The following DGKB variants were observed in gnomAD, a reference collection of about 807,000 sequenced individuals.
DGKB encodes the protein diacylglycerol kinase beta, also known as 90 kDa diacylglycerol kinase.
A neutral mutation model predicts 114.3 loss-of-function variants in DGKB; 67 were observed. That is an observed-to-expected ratio of 0.59 (90% confidence interval 0.48 to 0.72). The LOEUF is 0.72. DGKB is among the 30% of genes least tolerant of loss of function. The pLI, the probability that DGKB is intolerant of heterozygous loss-of-function variation, is 0.00. For synonymous variants in DGKB, 398 were observed against 323.1 expected, an observed-to-expected ratio of 1.23 and a Z score of -2.49; for missense variants, 907 against 975.2, an observed-to-expected ratio of 0.93 and a Z score of 0.93.
At chr7:14,900,587 T>C (rs1055506374) in intron 1 of DGKB, among the ~76,000 whole-genome samples, 16 of 152,210 alleles carry the variant, frequency 1.1e-4, no homozygotes, top group Non-Finnish European at 1.8e-4. Context: ...TTCAATAGTG[T>C]GCAAGAAAAA....
intron 21 of DGKB, among the ~76,000 whole-genome samples, chr7:14,400,950 G>A (rs927224665): frequency 6.6e-6 from 1 of 151,692 alleles, no homozygotes; most frequent in Non-Finnish European, 1.5e-5. Flanking sequence ...ATCCTTGACT[G>A]CCTCCCCACT....
intron 5 of DGKB, among the ~76,000 whole-genome samples, chr7:14,727,791 C>A (rs982299689): frequency 7.9e-5 from 12 of 152,054 alleles, no homozygotes; most frequent in Admixed American, 7.2e-4. Flanking sequence ...TGTTAAGGTA[C>A]AGCACAGTAA....
intron 23 of DGKB, among the ~76,000 whole-genome samples, chr7:14,204,744 C>T: frequency 6.6e-6 from 1 of 151,914 alleles, no homozygotes; most frequent in East Asian, 1.9e-4. Context: ...AAATATTCTC[C>T]ACATTGAAAA....
chr7:14,172,509 G>A (rs748681572), intron 25 of DGKB, among the ~76,000 whole-genome samples: 3 of 152,096 alleles, frequency 2.0e-5, no homozygotes, highest in Non-Finnish European at 2.9e-5. Context: ...GGATTTGAGG[G>A]TATATAGAGA....
chr7:14,652,565 T>C (rs930525602), intron 13 of DGKB, among the ~76,000 whole-genome samples: 9 of 151,848 alleles, frequency 5.9e-5, no homozygotes, highest in African/African-American at 2.2e-4. Flanking sequence ...AAACCTAGGC[T>C]TTACCATTCG....
chr7:14,890,505 G>A (rs1376651555), intron 1 of DGKB, among the ~76,000 whole-genome samples: 4 of 151,320 alleles, frequency 2.6e-5, no homozygotes, highest in Non-Finnish European at 5.9e-5. Context: ...TGAAGTCCTA[G>A]CACAAGTGAC....
intron 23 of DGKB, among the ~76,000 whole-genome samples, chr7:14,325,531 C>A (rs1808565420): frequency 6.6e-6 from 1 of 152,102 alleles, no homozygotes; most frequent in Non-Finnish European, 1.5e-5. Flanking sequence ...CTCTAGTCAA[C>A]TTTCGTTGGG....
chr7:14,557,531 T>C (rs1796048280), intron 20 of DGKB, among the ~76,000 whole-genome samples: 1 of 152,114 alleles, frequency 6.6e-6, no homozygotes, highest in Admixed American at 6.6e-5. Flanking sequence ...ATTTGTCTTG[T>C]AGCTTTTTCC....
In DGKB at chr7:14,313,921, G is replaced by A. The variant is rs148495325; in HGVS notation, c.2122+24594C>T. Among the ~76,000 whole-genome samples, 221 of 152,316 alleles carry A rather than the reference G, an allele frequency of 1.5e-3. 1 individual carries two copies. Among genetic ancestry groups the A allele is most frequent in the African/African-American group, 5.1e-3 (210 of 41,580 alleles). Reference sequence around the variant, plus strand: ...AAGAGAGCAGTGGTTCTCCCAGTGCGCAGCCAGAGATCTGAGAACGGGCAG... The same window carrying A: ...AAGAGAGCAGTGGTTCTCCCAGTGCACAGCCAGAGATCTGAGAACGGGCAG... On this transcript the variant is annotated intron_variant, in intron 23 of 25. Transcript: ENST00000402815.
intron 25 of DGKB, among the ~76,000 whole-genome samples, chr7:14,152,350 T>A (rs1264678114): frequency 6.6e-6 from 1 of 152,012 alleles, no homozygotes; most frequent in African/African-American, 2.4e-5. Flanking sequence ...GGTTGTTTAG[T>A]TTCTAAGAGA....
chr7:14,901,565 C>T (rs1783059524), intron 1 of DGKB, among the ~76,000 whole-genome samples: 1 of 151,652 alleles, frequency 6.6e-6, no homozygotes, highest in Non-Finnish European at 1.5e-5. Flanking sequence ...CTAAGTCTAA[C>T]ATTTTTGTGT....
chr7:14,231,090 T>TCTCC (rs1185896146), intron 23 of DGKB, among the ~76,000 whole-genome samples: 3 of 59,106 alleles, frequency 5.1e-5, no homozygotes, highest in Non-Finnish European at 1.0e-4. Flanking sequence ...TCCCTTTCTT[T>TCTCC]CTTTCTTTCT....
At chr7:14,740,184 G>C (rs1461435958) in intron 4 of DGKB, among the ~76,000 whole-genome samples, 1 of 151,234 alleles carries the variant, frequency 6.6e-6, no homozygotes, top group Non-Finnish European at 1.5e-5. Context: ...CTCTCTGTTT[G>C]CATAAGAACA....
At chr7:14,590,226 C>A (rs1801482295) in intron 17 of DGKB, among the ~76,000 whole-genome samples, 1 of 151,636 alleles carries the variant, frequency 6.6e-6, no homozygotes, top group Non-Finnish European at 1.5e-5. Context: ...AGTAACTATT[C>A]TTAAAATTTA....
chr7:14,631,776 G>A (rs1307944203), intron 13 of DGKB, among the ~76,000 whole-genome samples: 10 of 151,868 alleles, frequency 6.6e-5, no homozygotes, highest in African/African-American at 1.7e-4. Flanking sequence ...TCTTAGCTTC[G>A]GGTTGAAGCT....
intron 23 of DGKB, among the ~76,000 whole-genome samples, chr7:14,251,297 T>C (rs1051934760): frequency 1.3e-5 from 2 of 152,080 alleles, no homozygotes; most frequent in African/African-American, 2.4e-5. Flanking sequence ...CTACAGATTT[T>C]CTTTTTGGTT....
intron 13 of DGKB, among the ~76,000 whole-genome samples, chr7:14,639,198 T>C (rs1189912032): frequency 2.0e-5 from 3 of 151,954 alleles, no homozygotes; most frequent in African/African-American, 7.3e-5. Flanking sequence ...GTGGGTGTAA[T>C]AAGATGAGAA....
intron 1 of DGKB, among the ~76,000 whole-genome samples, chr7:14,849,055 A>G (rs1253435045): frequency 1.3e-5 from 2 of 152,110 alleles, no homozygotes; most frequent in East Asian, 3.9e-4. Flanking sequence ...CCTAGTGAAG[A>G]ATCCCACATG....
At chr7:14,467,145 T>A (rs1194901119) in intron 21 of DGKB, among the ~76,000 whole-genome samples, 1 of 150,526 alleles carries the variant, frequency 6.6e-6, no homozygotes, top group African/African-American at 2.4e-5. Context: ...ATTATATGTT[T>A]ATATAAGCTA....
Sources: gnomAD v4.1 joint callset for allele counts (sites outside exome capture counted in the v4.1 genomes callset) on GRCh38, gnomAD v4.1.1 for gene constraint, MANE v1.5 for transcripts, NCBI Gene and HGNC (gene_info 2026-07-23, HGNC 2026-07-21) for gene names.